The following RGS6 variants were observed in gnomAD, a reference collection of about 807,000 sequenced individuals.
The protein encoded by RGS6 is regulator of G-protein signaling 6.
A neutral mutation model predicts 78.5 loss-of-function variants in RGS6; 30 were observed. The observed-to-expected ratio is 0.38, with a 90% CI of 0.29 to 0.52. The LOEUF is 0.52. Ranked by LOEUF, RGS6 falls within the 20% of genes least tolerant of loss-of-function variation. The pLI, the probability that RGS6 is intolerant of heterozygous loss-of-function variation, is 0.85. For synonymous variants in RGS6, 206 were observed against 206.0 expected (o/e 1.00, Z 0.00); for missense variants, 495 against 609.7 (o/e 0.81, Z 1.98).
chr14:72,560,797 C>CGTGTGTGTGTGTGTGTGT (rs57504072), intron 17 of RGS6, among the ~76,000 whole-genome samples: 19 of 141,322 alleles, frequency 1.3e-4, no homozygotes, highest in South Asian at 1.2e-3. Context: ...ATTTTGTGGA[C>CGTGTGTGTGTGTGTGTGT]GTGTGTGTGT....
intron 8 of RGS6, among the ~76,000 whole-genome samples, chr14:72,470,895 A>C (rs1025425739): frequency 2.1e-5 from 3 of 144,790 alleles, no homozygotes; most frequent in Non-Finnish European, 4.4e-5. Context: ...AAAAAAAAAA[A>C]AACAAGATTA....
chr14:72,148,277 G>C (rs1242254576), intron 2 of RGS6, among the ~76,000 whole-genome samples: 4 of 151,980 alleles, frequency 2.6e-5, no homozygotes, highest in Non-Finnish European at 5.9e-5. Context: ...CAAACCTGTA[G>C]TCTCAGCTAC....
At chr14:72,273,949 C>G (rs951229200) in intron 2 of RGS6, among the ~76,000 whole-genome samples, 1 of 152,190 alleles carries the variant, frequency 6.6e-6, no homozygotes, top group African/African-American at 2.4e-5. Flanking sequence ...ATTCCCTGCT[C>G]AGGTGTGTAG....
intron 3 of RGS6, among the ~76,000 whole-genome samples, chr14:72,366,230 G>A (rs2082425398): frequency 1.3e-5 from 2 of 152,178 alleles, no homozygotes; most frequent in Non-Finnish European, 2.9e-5. Context: ...AAACTCATAG[G>A]TGAATTCACA....
At chr14:72,262,587 G>A (rs546775402) in intron 2 of RGS6, among the ~76,000 whole-genome samples, 15 of 152,256 alleles carry the variant, frequency 9.9e-5, no homozygotes, top group African/African-American at 3.6e-4. Context: ...GGGGGCCTGG[G>A]GAGAACACAG....
chr14:72,434,475 A>T (rs1464871267), intron 3 of RGS6, among the ~76,000 whole-genome samples: 1 of 152,216 alleles, frequency 6.6e-6, no homozygotes, highest in Non-Finnish European at 1.5e-5. Flanking sequence ...CTTCTGTAGC[A>T]TTCAATGCAC....
At chr14:71,889,861 T>G in the RGS6 span, among the ~76,000 whole-genome samples, 1 of 152,174 alleles carries the variant, frequency 6.6e-6, no homozygotes, top group African/African-American at 2.4e-5. Context: ...GAGTGAGTTC[T>G]CCTAAGATCT....
In RGS6 at chr14:71,932,952, T is replaced by G. The variant is rs1441222693; in HGVS notation, c.-21+11T>G. 1 of 152,244 alleles carries G rather than the reference T, an allele frequency of 6.6e-6. No individual in the cohort carries two copies. The highest frequency in any genetic ancestry group is 1.5e-5 in the Non-Finnish European group (1 of 68,100). The allele number at this position is 152,244 out of a possible 1,614,324, so 9.4% of individuals were successfully genotyped here. ...TCTTTGGTTGCTAAGGTAATTGTAG[T>G]TGTGATAAAAAATGGGCAAGAAACA... On this transcript the variant is annotated intron_variant, in intron 1 of 17. Coordinates refer to ENST00000553525, the MANE Select transcript of RGS6 (RefSeq NM_001204424.2).
intron 3 of RGS6, among the ~76,000 whole-genome samples, chr14:72,399,588 T>G (rs2092071828): frequency 6.6e-6 from 1 of 152,312 alleles, no homozygotes; most frequent in Non-Finnish European, 1.5e-5. Context: ...GTTAGCTGGT[T>G]ATTTTGCTCG....
At chr14:71,986,495 G>T (rs1221825918) in intron 2 of RGS6, among the ~76,000 whole-genome samples, 1 of 151,836 alleles carries the variant, frequency 6.6e-6, no homozygotes, top group Non-Finnish European at 1.5e-5. Context: ...GAGCTCAGGA[G>T]TTCAAGACCA....
chr14:72,583,590 A>G, the RGS6 span, among the ~76,000 whole-genome samples: 2 of 152,340 alleles, frequency 1.3e-5, no homozygotes, highest in East Asian at 1.9e-4. Flanking sequence ...TGCTGGTTCC[A>G]TGAAGAAGAG....
chr14:72,553,832 G>C (rs1438261220), intron 17 of RGS6, among the ~76,000 whole-genome samples: 2 of 152,188 alleles, frequency 1.3e-5, no homozygotes, highest in Non-Finnish European at 2.9e-5. Flanking sequence ...AGGAAACGTA[G>C]CAATCTCACA....
chr14:72,282,239 C>T (rs547781028), intron 2 of RGS6, among the ~76,000 whole-genome samples: 2 of 152,312 alleles, frequency 1.3e-5, no homozygotes, highest in Admixed American at 6.5e-5. Context: ...TCACTTTTCT[C>T]TATCAAATAT....
chr14:72,182,571 A>G (rs2097188724), intron 2 of RGS6, among the ~76,000 whole-genome samples: 1 of 152,170 alleles, frequency 6.6e-6, no homozygotes, highest in South Asian at 2.1e-4. Context: ...TCCCTGAGAG[A>G]GAGATGGTGG....
intron 2 of RGS6, among the ~76,000 whole-genome samples, chr14:72,174,754 C>A (rs116239729): frequency 1.9e-3 from 287 of 152,248 alleles, no homozygotes; most frequent in African/African-American, 6.6e-3. Context: ...CGGGTGACAA[C>A]CCACCTATCA....
At chr14:71,929,033 A>T (rs2152920477), upstream of RGS6, among the ~76,000 whole-genome samples, 1 of 152,366 alleles carries the variant, frequency 6.6e-6, no homozygotes, top group East Asian at 1.9e-4. Context: ...TATAAAAATA[A>T]TTCAAAGAGC....
chr14:72,214,523 C>T (rs113535368), intron 2 of RGS6, among the ~76,000 whole-genome samples: 16 of 152,090 alleles, frequency 1.1e-4, no homozygotes, highest in African/African-American at 3.4e-4. Context: ...ACAATGCAGG[C>T]GTCTGACCAT....
intron 2 of RGS6, among the ~76,000 whole-genome samples, chr14:71,981,572 G>A (rs1481345279): frequency 6.6e-6 from 1 of 151,658 alleles, no homozygotes; most frequent in Non-Finnish European, 1.5e-5. Flanking sequence ...TAGGCCGCTC[G>A]GGGGTGCCTC....
chr14:72,484,262 G>A (rs764319851), intron 12 of RGS6, among the ~76,000 whole-genome samples: 9 of 152,182 alleles, frequency 5.9e-5, no homozygotes, highest in Non-Finnish European at 1.0e-4. Flanking sequence ...ACTAATGGTC[G>A]TATCCCATAA....
Sources: allele counts gnomAD v4.1 joint callset (sites outside exome capture counted in the v4.1 genomes callset), GRCh38; gene constraint gnomAD v4.1.1; transcripts MANE v1.5; gene names NCBI Gene and HGNC (gene_info 2026-07-23, HGNC 2026-07-21).